The following SLC71A2 variants were observed in gnomAD, a reference collection of about 807,000 sequenced individuals.
The protein encoded by SLC71A2 is solute carrier family 71 member 2, also known as hippocampus abundant transcript-like 1.
At chr9:94,426,908 C>T in the SLC71A2 span, among the ~76,000 whole-genome samples, 4 of 152,258 alleles carry the variant, frequency 2.6e-5, no homozygotes, top group African/African-American at 9.6e-5. Context: ...AATCATAGCT[C>T]ACTGCAGACT....
chr9:94,391,362 T>TAA, the SLC71A2 span, among the ~76,000 whole-genome samples: 2 of 130,382 alleles, frequency 1.5e-5, no homozygotes, highest in African/African-American at 5.6e-5. Context: ...GACTCTGTCT[T>TAA]AAAAAAAAAA....
chr9:94,428,730 A>G, the SLC71A2 span, among the ~76,000 whole-genome samples: 2 of 151,528 alleles, frequency 1.3e-5, no homozygotes, highest in African/African-American at 4.9e-5. Flanking sequence ...CTATATGCTG[A>G]GTTTTGATAA....
chr9:94,441,096 A>T, the SLC71A2 span: 4 of 1,534,254 alleles, frequency 2.6e-6, no homozygotes, highest in Non-Finnish European at 3.6e-6. Flanking sequence ...CAGCTTATGG[A>T]TGGGTAAGAT....
the SLC71A2 span, among the ~76,000 whole-genome samples, chr9:94,453,491 CTAGT>C: frequency 1.3e-5 from 2 of 152,174 alleles, no homozygotes; most frequent in African/African-American, 4.8e-5. Flanking sequence ...ACTTTCTCAA[CTAGT>C]TATATTTAGC....
chr9:94,432,149 C>T, the SLC71A2 span, among the ~76,000 whole-genome samples: 1 of 151,610 alleles, frequency 6.6e-6, no homozygotes, highest in East Asian at 1.9e-4. Flanking sequence ...GCCTTTCCCA[C>T]AGGTGCAGCT....
the SLC71A2 span, among the ~76,000 whole-genome samples, chr9:94,423,980 A>T: frequency 2.6e-5 from 4 of 152,262 alleles, no homozygotes; most frequent in African/African-American, 9.6e-5. Flanking sequence ...TATTGTTCTC[A>T]TGTAGTCCTA....
chr9:94,442,063 G>A, the SLC71A2 span, among the ~76,000 whole-genome samples: 4 of 152,140 alleles, frequency 2.6e-5, no homozygotes, highest in African/African-American at 9.7e-5. Context: ...CCCTTCTCCC[G>A]TCTTCCTCTG....
At chr9:94,453,825 C>T in the SLC71A2 span, 65 of 655,148 alleles carry the variant, frequency 9.9e-5, no homozygotes, top group Non-Finnish European at 1.6e-4. Context: ...ACTGTCCAGA[C>T]TCTGAGGTTG....
chr9:94,427,425 G>T, the SLC71A2 span, among the ~76,000 whole-genome samples: 3 of 151,732 alleles, frequency 2.0e-5, no homozygotes, highest in Admixed American at 6.6e-5. Context: ...GATCTATTTA[G>T]TGTGCAACTC....
At chr9:94,426,279 G>C in the SLC71A2 span, among the ~76,000 whole-genome samples, 1 of 151,936 alleles carries the variant, frequency 6.6e-6, no homozygotes, top group Non-Finnish European at 1.5e-5. Context: ...TTGTTATCCT[G>C]GTGCCATATC....
At chr9:94,428,603 T>C in the SLC71A2 span, among the ~76,000 whole-genome samples, 2 of 135,252 alleles carry the variant, frequency 1.5e-5, no homozygotes, top group African/African-American at 5.8e-5. Context: ...CCCCCCCCTT[T>C]TTTTTTTTTA....
chr9:94,404,924 A>T, the SLC71A2 span, among the ~76,000 whole-genome samples: 1 of 152,172 alleles, frequency 6.6e-6, no homozygotes, highest in South Asian at 2.1e-4. Context: ...CAAATCCAAT[A>T]CCAGGAAGCT....
At chr9:94,419,524 C>T in the SLC71A2 span, among the ~76,000 whole-genome samples, 4 of 152,170 alleles carry the variant, frequency 2.6e-5, no homozygotes, top group African/African-American at 9.6e-5. Flanking sequence ...CCAGGATGGT[C>T]TCGATCTCCT....
the SLC71A2 span, among the ~76,000 whole-genome samples, chr9:94,424,918 TA>T: frequency 0.029 from 4,356 of 147,874 alleles, 205 homozygotes; most frequent in African/African-American, 0.098. Context: ...TTTTTTTTTT[TA>T]AATAATAAAT....
At chr9:94,384,369 C>G in the SLC71A2 span, among the ~76,000 whole-genome samples, 2 of 142,514 alleles carry the variant, frequency 1.4e-5, no homozygotes, top group African/African-American at 2.5e-5. Context: ...CATGGTCTCT[C>G]TCTCTGTTGC....
chr9:94,428,869 G>A, the SLC71A2 span, among the ~76,000 whole-genome samples: 135 of 151,066 alleles, frequency 8.9e-4, no homozygotes, highest in Middle Eastern at 6.8e-3. Flanking sequence ...TCTTTTTATC[G>A]TTTCCATAGT....
the SLC71A2 span, among the ~76,000 whole-genome samples, chr9:94,386,523 G>T: frequency 6.6e-6 from 1 of 151,770 alleles, no homozygotes; most frequent in African/African-American, 2.4e-5. Context: ...TACGTCACAT[G>T]CATGTGCTTA....
the SLC71A2 span, among the ~76,000 whole-genome samples, chr9:94,419,321 GTCTC>G: frequency 1.4e-5 from 2 of 138,728 alleles, no homozygotes; most frequent in African/African-American, 2.7e-5. Flanking sequence ...TTTTGAGACA[GTCTC>G]TCTCTGTTGC....
At chr9:94,402,355 A>T in the SLC71A2 span, among the ~76,000 whole-genome samples, 1 of 152,200 alleles carries the variant, frequency 6.6e-6, no homozygotes, top group African/African-American at 2.4e-5. Flanking sequence ...AAATTGAGAT[A>T]CATTCACGTA....
Sources: allele counts gnomAD v4.1 joint callset (sites outside exome capture counted in the v4.1 genomes callset), GRCh38; gene constraint gnomAD v4.1.1; transcripts MANE v1.5; gene names NCBI Gene and HGNC (gene_info 2026-07-23, HGNC 2026-07-21).